The following OR10J1 variants were observed in gnomAD, a reference collection of about 807,000 sequenced individuals.
The protein encoded by OR10J1 is olfactory receptor family 10 subfamily J member 1.
For missense variants in OR10J1, 474 were observed against 376.6 expected (o/e 1.26, Z -2.14); for synonymous variants, 202 against 143.8 (o/e 1.40, Z -2.89).
the OR10J1 span, among the ~76,000 whole-genome samples, chr1:159,399,072 T>C: frequency 6.6e-6 from 1 of 151,702 alleles, no homozygotes; most frequent in Non-Finnish European, 1.5e-5. Context: ...CAATTAAGCT[T>C]CACTACATCT....
the OR10J1 span, chr1:159,405,343 G>C: frequency 6.6e-6 from 1 of 152,282 alleles, no homozygotes; most frequent in Non-Finnish European, 1.5e-5. Flanking sequence ...CCCATAGGAG[G>C]CTCCCTGGAC....
At chr1:159,401,584 A>C in the OR10J1 span, among the ~76,000 whole-genome samples, 2 of 152,040 alleles carry the variant, frequency 1.3e-5, no homozygotes, top group African/African-American at 4.8e-5. Flanking sequence ...ATAAATAACA[A>C]GTAATGAGAT....
At chr1:159,415,226 C>A in the OR10J1 span, among the ~76,000 whole-genome samples, 1 of 152,004 alleles carries the variant, frequency 6.6e-6, no homozygotes, top group Non-Finnish European at 1.5e-5. Flanking sequence ...GTCTTTGATC[C>A]ATCTTGAGTT....
the OR10J1 span, among the ~76,000 whole-genome samples, chr1:159,423,060 A>C: frequency 6.6e-6 from 1 of 152,182 alleles, no homozygotes; most frequent in African/African-American, 2.4e-5. Flanking sequence ...CTAGTCAGCC[A>C]TCTTGAAGCC....
Position 159,440,227 on chromosome 1 carries a change from C to T in OR10J1, c.436C>T (p.Leu146=). 6.2e-7 allele frequency: 1 copy of T among 1,614,140 alleles called. No individual in the cohort carries two copies. Among genetic ancestry groups the T allele is most frequent in the Non-Finnish European group, 8.5e-7 (1 of 1,180,006 alleles). ...MNKRLRIQLV[L]GACSIGLIVA... ...CAAGAGGCTGCGTATCCAACTTGTC[C>T]TGGGGGCCTGCAGCATTGGGCTGAT... Residue 146 remains leucine, a synonymous_variant, in exon 1 of 1, where the codon CTG becomes TTG. Transcript: ENST00000423932.
Position 159,440,244 on chromosome 1 carries a change from TG to T in OR10J1, c.456del (p.Leu153Ter). 3 of 1,614,168 alleles carry T rather than the reference TG, an allele frequency of 1.9e-6. No homozygotes were observed. Among genetic ancestry groups the T allele is most frequent in the Admixed American group, 1.7e-5 (1 of 60,014 alleles). On this transcript the variant is annotated frameshift_variant, in exon 1 of 1. Transcript: ENST00000423932. LOFTEE classifies it low-confidence loss of function (END_TRUNC). ...AACTTGTCCTGGGGGCCTGCAGCAT[TG>T]GGCTGATTGTAGCAATAACGCAAGT... is the stretch of plus-strand genomic sequence containing the variant. ...IQLVLGACSIGLIVAITQVTS... is the reference protein window; with the variant it reads ...IQLVLGACSIXLIVAITQVTS...
At chr1:159,412,502 G>T in the OR10J1 span, among the ~76,000 whole-genome samples, 3 of 145,670 alleles carry the variant, frequency 2.1e-5, no homozygotes, top group Middle Eastern at 3.5e-3. Context: ...TAGATCAACG[G>T]AACAGAACAG....
At chr1:159,435,669 T>C (rs1655717397), upstream of OR10J1, among the ~76,000 whole-genome samples, 1 of 152,148 alleles carries the variant, frequency 6.6e-6, no homozygotes, top group South Asian at 2.1e-4. Flanking sequence ...TTTTGAGCCC[T>C]ATCCGGGGCC....
chr1:159,432,929 G>T (rs943470266), upstream of OR10J1: 2 of 430,070 alleles, frequency 4.7e-6, no homozygotes, highest in African/African-American at 2.0e-5. Flanking sequence ...TGCTACTTGT[G>T]CCTCACACCT....
At chr1:159,422,523 C>T in the OR10J1 span, among the ~76,000 whole-genome samples, 1 of 152,122 alleles carries the variant, frequency 6.6e-6, no homozygotes, top group Non-Finnish European at 1.5e-5. Flanking sequence ...CCCATGGTTC[C>T]CACCTTGATC....
chr1:159,405,112 T>C, the OR10J1 span, among the ~76,000 whole-genome samples: 1 of 152,030 alleles, frequency 6.6e-6, no homozygotes, highest in Non-Finnish European at 1.5e-5. Flanking sequence ...AGTAAACTTA[T>C]ACCAAAGTTT....
chr1:159,437,908 C>G (rs1655784863), upstream of OR10J1: 1 of 152,818 alleles, frequency 6.5e-6, no homozygotes, highest in South Asian at 2.1e-4. Flanking sequence ...CTGCCGTAGG[C>G]ACTCTTGGTC....
chr1:159,399,770 A>C, the OR10J1 span, among the ~76,000 whole-genome samples: 217 of 152,212 alleles, frequency 1.4e-3, no homozygotes, highest in Non-Finnish European at 2.6e-3. Context: ...AAATAGAAGG[A>C]CTAAATGATG....
At chr1:159,420,973 T>C in the OR10J1 span, among the ~76,000 whole-genome samples, 1 of 152,158 alleles carries the variant, frequency 6.6e-6, no homozygotes, top group African/African-American at 2.4e-5. Context: ...TTTAATCTAT[T>C]ATTTCATTAA....
At chr1:159,407,507 C>A in the OR10J1 span, among the ~76,000 whole-genome samples, 2 of 152,088 alleles carry the variant, frequency 1.3e-5, no homozygotes, top group South Asian at 4.1e-4. Flanking sequence ...TACATAAAAT[C>A]TGAAACATTC....
the OR10J1 span, among the ~76,000 whole-genome samples, chr1:159,423,968 G>A: frequency 6.6e-6 from 1 of 152,130 alleles, no homozygotes; most frequent in South Asian, 2.1e-4. Context: ...TGTAATCCCA[G>A]CAGTTTGGGA....
At chr1:159,401,729 C>T in the OR10J1 span, among the ~76,000 whole-genome samples, 90 of 151,868 alleles carry the variant, frequency 5.9e-4, no homozygotes, top group African/African-American at 2.1e-3. Context: ...GGAAGGAATA[C>T]GTCAAACTCA....
At chr1:159,408,372 A>G in the OR10J1 span, among the ~76,000 whole-genome samples, 1 of 150,710 alleles carries the variant, frequency 6.6e-6, no homozygotes, top group Non-Finnish European at 1.5e-5. Context: ...AGAACAAAAA[A>G]CCAAACACCG....
the OR10J1 span, among the ~76,000 whole-genome samples, chr1:159,420,628 G>A: frequency 4.6e-5 from 7 of 151,912 alleles, no homozygotes; most frequent in African/African-American, 1.7e-4. Flanking sequence ...TATTTGGAGA[G>A]GACTCTATTT....
Sources: gnomAD v4.1 joint callset for allele counts (sites outside exome capture counted in the v4.1 genomes callset) on GRCh38, gnomAD v4.1.1 for gene constraint, MANE v1.5 for transcripts, NCBI Gene and HGNC (gene_info 2026-07-23, HGNC 2026-07-21) for gene names.